Variants in NFYA observed in about 807,000 individuals in gnomAD.
The protein encoded by NFYA is CAAT-box DNA binding protein subunit A.
A neutral mutation model predicts 52.8 loss-of-function variants in NFYA; 28 were observed. The observed-to-expected ratio is 0.53, with a 90% confidence interval of 0.39 to 0.73. NFYA has a LOEUF of 0.73. NFYA is among the 30% of genes least tolerant of loss of function. The pLI is 0.00. For synonymous variants in NFYA, 150 were observed against 150.7 expected, an observed-to-expected ratio of 1.00 and a Z score of 0.03; for missense variants, 234 against 427.0, an observed-to-expected ratio of 0.55 and a Z score of 3.98.
Position 41,100,081 on chromosome 6 carries a change from T to G in NFYA, c.*2671T>G, listed in dbSNP as rs896022105. ...AAGACTTGTCTGCATGGACGGTGTC[T>G]CTGTAAACAGTATCAAACTTGTAAT... On this transcript the variant is annotated 3_prime_UTR_variant, in exon 10 of 10. Transcript: ENST00000341376. 1 of 152,228 alleles carries G rather than the reference T, an allele frequency of 6.6e-6. No individual in the cohort carries two copies. Among genetic ancestry groups the G allele is most frequent in the African/African-American group, 2.4e-5 (1 of 41,446 alleles). The allele number at this position is 152,228 out of a possible 1,614,324, so 9.4% of individuals were successfully genotyped here. A position where few individuals can be genotyped will look rare whatever the true frequency, so the allele number is the denominator to read the frequency against.
rs1286167331 is a variant in NFYA at position 41,093,598 on chromosome 6, G to A, written c.888+513G>A. ...TGATTCTCCTGCCTCAGCCTCCTGA[G>A]TAGCTGGGATTACAGGTGTGCGCCA... is the stretch of plus-strand genomic sequence containing the variant. On this transcript the variant is annotated intron_variant, in intron 8 of 9. Transcript: ENST00000341376. Among the ~76,000 whole-genome samples the A allele has an allele frequency of 2.6e-5, 4 of 152,038 alleles. No homozygotes were observed. The East Asian group carries it at 7.7e-4, about 29-fold the overall frequency.
chr6:41,084,193 G>C lies in NFYA; in HGVS notation c.309+1G>C, dbSNP rs757669414. Reference sequence around the variant, plus strand: ...TTCTGGAACACAGGGTTTGCAGCAAGTGAGTAATATTTAAAAATATTGAGC... The same window carrying C: ...TTCTGGAACACAGGGTTTGCAGCAACTGAGTAATATTTAAAAATATTGAGC... On this transcript the variant is annotated splice_donor_variant, in intron 4 of 9. Transcript: ENST00000341376. LOFTEE classifies it high-confidence loss of function. 1.2e-6 allele frequency: 2 copies of C among 1,613,600 alleles called. No homozygotes were observed. Among genetic ancestry groups the C allele is most frequent in the South Asian group, 1.1e-5 (1 of 90,952 alleles).
intron 9 of NFYA, 77 bp downstream of exon 9, chr6:41,094,574 C>T (rs1316543059): frequency 1.2e-5 from 13 of 1,097,904 alleles, no homozygotes; most frequent in Admixed American, 1.9e-5. Context: ...GCAGTGTCCT[C>T]TTGCTATTTT....
At chr6:41,075,771 G>A (rs1397475319) in intron 1 of NFYA, 3 of 151,588 alleles carry the variant, frequency 2.0e-5, no homozygotes, top group Non-Finnish European at 4.4e-5. Context: ...TCCCCAGCTG[G>A]AACAAATCTC....
intron 3 of NFYA, 38 bp from the exon 4 acceptor site, chr6:41,084,008 T>C: frequency 6.4e-7 from 1 of 1,553,492 alleles, no homozygotes; most frequent in Non-Finnish European, 8.7e-7. Context: ...ATTTTGTGTC[T>C]TATGTTATTT....
chr6:41,089,444 T>C (rs1561854484), intron 4 of NFYA, 135 bp from the exon 5 acceptor site: 4 of 896,750 alleles, frequency 4.5e-6, no homozygotes, highest in Non-Finnish European at 3.2e-6. Context: ...TACTTCATAA[T>C]GGAGGGCAGA....
At chr6:41,088,529 G>C (rs1764110604) in intron 4 of NFYA, among the ~76,000 whole-genome samples, 1 of 152,056 alleles carries the variant, frequency 6.6e-6, no homozygotes, top group Non-Finnish European at 1.5e-5. Context: ...CCTTATCAAG[G>C]TGTTGTCCTG....
chr6:41,084,814 T>C (rs974653483), intron 4 of NFYA, among the ~76,000 whole-genome samples: 4 of 152,124 alleles, frequency 2.6e-5, no homozygotes, highest in Non-Finnish European at 4.4e-5. Context: ...AATAAAAAAT[T>C]AGCCGGGCGT....
In NFYA at chr6:41,089,622, A is replaced by AG. The variant is rs757789209; in HGVS notation, c.355dup (p.Ala119GlyfsTer46). 7 of 1,612,574 alleles carry AG rather than the reference A, an allele frequency of 4.3e-6. No homozygotes were observed. Among genetic ancestry groups the AG allele is most frequent in the African/African-American group, 2.7e-5 (2 of 74,876 alleles). The stretch of plus-strand genomic sequence containing the variant: ...GGACAGATCCAGATCCAGGGTGGAC[A>AG]GGCTGTGCAGGTGCAGGGCCAGCAG... On this transcript the variant is annotated frameshift_variant, in exon 5 of 10. Transcript: ENST00000341376. LOFTEE classifies it high-confidence loss of function.
intron 1 of NFYA, among the ~76,000 whole-genome samples, chr6:41,074,148 C>T (rs1212285623): frequency 6.6e-6 from 1 of 152,038 alleles, no homozygotes; most frequent in African/African-American, 2.4e-5. Context: ...TTCTATGTTA[C>T]TTTGTGTCAG....
At position 41,091,447 on chromosome 6, in the gene NFYA, T is replaced by A. The variant is rs556300934; in HGVS notation, c.548-81T>A. 1.4e-5 allele frequency: 20 copies of A among 1,403,288 alleles called. No homozygotes were observed. In the East Asian group the frequency reaches 4.5e-4, roughly 32 times the overall value. 86.9% of individuals were successfully genotyped at this position (1,403,288 alleles called of 1,614,324 possible). On this transcript the variant is annotated intron_variant, in intron 6 of 9. Coordinates refer to ENST00000341376, the MANE Select transcript of NFYA (RefSeq NM_002505.5). ...CCAGGATCGGTGAGTGTATACCAGA[T>A]AGAAGAGGGACTAACTATGTTCCCT...
chr6:41,092,818 C>A, intron 7 of NFYA, 94 bp from the exon 8 acceptor site: 1 of 1,339,474 alleles, frequency 7.5e-7, no homozygotes, highest in Non-Finnish European at 1.0e-6. Flanking sequence ...CTTTTTGTGG[C>A]ATTTACAAAA....
intron 4 of NFYA, among the ~76,000 whole-genome samples, chr6:41,086,942 GAGA>G (rs1481853224): frequency 2.0e-5 from 3 of 152,130 alleles, no homozygotes; most frequent in African/African-American, 7.2e-5. Flanking sequence ...TTATGCTATA[GAGA>G]AGGATATTTT....
Position 41,079,040 on chromosome 6 carries a change from A to C in NFYA, c.-50A>C. The C allele has an allele frequency of 6.4e-7, 1 of 1,573,942 alleles. No homozygotes were observed. Among genetic ancestry groups the C allele is most frequent in the Non-Finnish European group, 8.7e-7 (1 of 1,145,084 alleles). On this transcript the variant is annotated 5_prime_UTR_variant, in exon 2 of 10. Transcript: ENST00000341376. ...CACCTTTCTAACAGGAGTGTACCTC[A>C]CAGCCTTCTAGGATCTCCAGAGTGG... is the stretch of plus-strand genomic sequence containing the variant.
chr6:41,089,832 AT>A (rs1764153198), intron 5 of NFYA, 122 bp downstream of exon 5: 1 of 1,402,014 alleles, frequency 7.1e-7, no homozygotes, highest in Non-Finnish European at 9.5e-7. Context: ...AAAAAAATAT[AT>A]TTTTGGCCGG....
chr6:41,091,544 A>G lies in NFYA; in HGVS notation c.564A>G (p.Ser188=). 1.2e-6 allele frequency: 2 copies of G among 1,613,518 alleles called. No homozygotes were observed. Among genetic ancestry groups the G allele is most frequent in the Non-Finnish European group, 1.7e-6 (2 of 1,179,832 alleles). The part of the protein sequence containing the change: ...TILQQVTVPV[S]GMITIPAASL... ...TTCTTAAAGTTACAGTCCCTGTTTC[A>G]GGCATGATCACTATCCCAGCAGCCA... The change falls in exon 7 of 10, where the codon TCA becomes TCG. Residue 188 remains serine (S), a synonymous_variant. Coordinates refer to ENST00000341376, the MANE Select transcript of NFYA (RefSeq NM_002505.5).
At chr6:41,086,284 C>G (rs1321330957) in intron 4 of NFYA, among the ~76,000 whole-genome samples, 3 of 152,052 alleles carry the variant, frequency 2.0e-5, no homozygotes, top group South Asian at 4.1e-4. Flanking sequence ...TTTGCTCATC[C>G]AAAAATAAAA....
rs1157730192 is a variant in NFYA, at chr6:41,078,113, A to AT, written c.-61-914dup. 4.6e-5 allele frequency among the ~76,000 whole-genome samples: 7 copies of AT among 152,156 alleles called. No homozygotes were observed. The East Asian group carries it at 1.2e-3, about 25-fold the overall frequency. On this transcript the variant is annotated intron_variant, in intron 1 of 9. Transcript: ENST00000341376. ...TAGGGTCTATTAACATCTTACTATA[A>AT]TTGCCTTACCAGATATTTCTCCACC... is the stretch of plus-strand genomic sequence containing the variant.
intron 9 of NFYA, 59 bp downstream of exon 9, chr6:41,094,556 A>G: frequency 7.6e-7 from 1 of 1,316,550 alleles, no homozygotes; most frequent in Non-Finnish European, 1.1e-6. Context: ...CTTGAGTTGA[A>G]GCCTTCAGCA....
Sources: allele counts gnomAD v4.1 joint callset (sites outside exome capture counted in the v4.1 genomes callset), GRCh38; gene constraint gnomAD v4.1.1; transcripts MANE v1.5; gene names NCBI Gene and HGNC (gene_info 2026-07-23, HGNC 2026-07-21).